Variants in SORCS1 observed in about 807,000 individuals in gnomAD.
The protein encoded by SORCS1 is sortilin related VPS10 domain containing receptor 1.
Under a neutral mutation model 146.1 loss-of-function variants are expected in SORCS1, and 60 were observed. The ratio of observed to expected loss-of-function variants is 0.41; its 90% CI spans 0.33 to 0.51. The LOEUF (loss-of-function observed/expected upper bound fraction) is 0.51. Ranked by LOEUF, SORCS1 falls within the 20% of genes least tolerant of loss-of-function variation. The probability of loss-of-function intolerance (pLI) is 0.21; values close to 1 mark genes in which losing one functional copy is unlikely to be tolerated. For synonymous variants in SORCS1, 637 were observed against 584.0 expected, an observed-to-expected ratio of 1.09 and a Z score of -1.31; for missense variants, 1,352 against 1,487.6, an observed-to-expected ratio of 0.91 and a Z score of 1.50.
At chr10:106,578,593 G>A in intron 25 of SORCS1, 1 of 931,196 alleles carries the variant, frequency 1.1e-6, no homozygotes, top group Non-Finnish European at 1.3e-6. Context: ...TTCCCTGGAG[G>A]ATCAGGCTGG....
chr10:106,695,436 A>G (rs1853624446), intron 9 of SORCS1, among the ~76,000 whole-genome samples: 1 of 152,176 alleles, frequency 6.6e-6, no homozygotes, highest in African/African-American at 2.4e-5. Flanking sequence ...ACAAGCCCAG[A>G]TGCTGATCCT....
At chr10:107,151,728 G>A (rs1049478000) in intron 1 of SORCS1, among the ~76,000 whole-genome samples, 1 of 152,110 alleles carries the variant, frequency 6.6e-6, no homozygotes. Context: ...AGAGACTGGT[G>A]GCATTTTGCC....
At chr10:106,997,368 T>A (rs951117056) in intron 1 of SORCS1, among the ~76,000 whole-genome samples, 1 of 152,206 alleles carries the variant, frequency 6.6e-6, no homozygotes, top group African/African-American at 2.4e-5. Flanking sequence ...TTTGATATGC[T>A]CCTGACACTT....
intron 6 of SORCS1, among the ~76,000 whole-genome samples, chr10:106,717,816 G>A (rs894053018): frequency 1.3e-5 from 2 of 152,188 alleles, no homozygotes; most frequent in Non-Finnish European, 1.5e-5. Context: ...CGCATTCTAG[G>A]ATGAATGGAA....
chr10:106,956,637 T>C, intron 1 of SORCS1, 57 bp from the exon 2 acceptor site: 1 of 1,480,868 alleles, frequency 6.8e-7, no homozygotes, highest in Non-Finnish European at 9.4e-7. Context: ...CTCTTAGAAC[T>C]GAAATGGCCC....
chr10:106,839,208 A>T (rs75302495), intron 2 of SORCS1, among the ~76,000 whole-genome samples: 1 of 152,338 alleles, frequency 6.6e-6, no homozygotes, highest in Middle Eastern at 3.4e-3. Flanking sequence ...AAGACAGGGC[A>T]AAAGCTGGGC....
Position 106,574,673 on chromosome 10 carries a change from C to T in SORCS1, c.*2747G>A, listed in dbSNP as rs544427640. ...GGGTATGGATCCAGAATCTGGATCT[C>T]TAACTAGCCCAAGTGATAGTGATAC... On this transcript the variant is annotated 3_prime_UTR_variant, in exon 26 of 26. Coordinates refer to ENST00000263054, the MANE Select transcript of SORCS1 (RefSeq NM_052918.5). 2.6e-5 allele frequency: 4 copies of T among 152,284 alleles called. No individual in the cohort carries two copies. The highest frequency in any genetic ancestry group is 9.6e-5 in the African/African-American group (4 of 41,542). 9.4% of individuals were successfully genotyped at this position (152,284 alleles called of 1,614,324 possible). A position where few individuals can be genotyped will look rare whatever the true frequency, so the allele number is the denominator to read the frequency against.
intron 1 of SORCS1, among the ~76,000 whole-genome samples, chr10:107,046,015 C>T (rs1252036947): frequency 1.3e-5 from 2 of 151,730 alleles, no homozygotes; most frequent in African/African-American, 2.4e-5. Flanking sequence ...GGTGCGATCT[C>T]GGCTCACTGC....
intron 1 of SORCS1, among the ~76,000 whole-genome samples, chr10:107,107,272 A>G (rs1965373265): frequency 6.6e-6 from 1 of 152,250 alleles, no homozygotes; most frequent in Non-Finnish European, 1.5e-5. Context: ...CCTCAATCTT[A>G]GAAAATACCT....
At position 106,577,487 on chromosome 10, in the gene SORCS1, CT is replaced by C. The variant is rs1486617805; in HGVS notation, c.3439del (p.Arg1147GlufsTer34). 6.7e-7 allele frequency: 1 copy of C among 1,487,176 alleles called. No individual in the cohort carries two copies. The highest frequency in any genetic ancestry group is 9.1e-7 in the Non-Finnish European group (1 of 1,100,656). The allele number at this position is 1,487,176 out of a possible 1,614,324, so 92.1% of individuals were successfully genotyped here. ...TGAAGGCGGAGTGGCGTGTCTTGCTCTTTGCAATCGGAGAGATGAGTCACCA... is the reference window on the plus strand; with the variant it reads ...TGAAGGCGGAGTGGCGTGTCTTGCTCTTGCAATCGGAGAGATGAGTCACCA... ...QPGDSSLRLQ[R>X]ARHATPPSTP... On this transcript the variant is annotated frameshift_variant, in exon 26 of 26. Coordinates refer to ENST00000263054, the MANE Select transcript of SORCS1 (RefSeq NM_052918.5). LOFTEE classifies it high-confidence loss of function.
At chr10:106,793,135 C>T (rs1051860625) in intron 3 of SORCS1, among the ~76,000 whole-genome samples, 6 of 152,158 alleles carry the variant, frequency 3.9e-5, no homozygotes, top group African/African-American at 1.4e-4. Context: ...CATTGCAGAG[C>T]TATTGAAATG....
chr10:106,912,522 C>G (rs935395248), intron 2 of SORCS1, among the ~76,000 whole-genome samples: 3 of 152,142 alleles, frequency 2.0e-5, no homozygotes, highest in African/African-American at 7.2e-5. Context: ...ACAAAATTTT[C>G]GGACCACCAC....
chr10:106,793,148 C>T lies in SORCS1; in HGVS notation c.727-16456G>A, dbSNP rs181847300. Among the ~76,000 whole-genome samples the T allele has an allele frequency of 3.9e-5, 6 of 152,180 alleles. No individual in the cohort carries two copies. The East Asian group carries it at 1.2e-3, about 29-fold the overall frequency. The stretch of plus-strand genomic sequence containing the variant: ...ACCATTGCAGAGCTATTGAAATGTA[C>T]AAAATTTTACTAGAACACGGAAAAG... On this transcript the variant is annotated intron_variant, in intron 3 of 25. Coordinates refer to ENST00000263054, the MANE Select transcript of SORCS1 (RefSeq NM_052918.5).
At chr10:106,919,587 T>C (rs1403035054) in intron 2 of SORCS1, among the ~76,000 whole-genome samples, 1 of 152,156 alleles carries the variant, frequency 6.6e-6, no homozygotes, top group Non-Finnish European at 1.5e-5. Flanking sequence ...CCATAGAGCA[T>C]GAAGTGAAAA....
At chr10:106,801,155 G>T (rs1465094749) in intron 3 of SORCS1, among the ~76,000 whole-genome samples, 1 of 152,004 alleles carries the variant, frequency 6.6e-6, no homozygotes, top group African/African-American at 2.4e-5. Context: ...TTAGAAATTA[G>T]CTCATTAAAT....
At chr10:106,902,062 T>A (rs994675381) in intron 2 of SORCS1, among the ~76,000 whole-genome samples, 2 of 151,946 alleles carry the variant, frequency 1.3e-5, no homozygotes, top group African/African-American at 4.8e-5. Context: ...AAAAATTAGA[T>A]TTTACTATTC....
intron 21 of SORCS1, among the ~76,000 whole-genome samples, chr10:106,615,088 A>G: frequency 6.6e-6 from 1 of 152,146 alleles, no homozygotes; most frequent in Non-Finnish European, 1.5e-5. Context: ...TAAATTTCAA[A>G]CAAGTTTCTG....
At chr10:107,119,872 G>T (rs969686024) in intron 1 of SORCS1, among the ~76,000 whole-genome samples, 3 of 152,096 alleles carry the variant, frequency 2.0e-5, no homozygotes, top group African/African-American at 7.2e-5. Flanking sequence ...AAATGGAGTG[G>T]TAGAAAATGA....
chr10:106,731,292 CAAAAAAAAAA>C (rs57238882), intron 5 of SORCS1, among the ~76,000 whole-genome samples: 1 of 23,762 alleles, frequency 4.2e-5, no homozygotes, highest in Admixed American at 3.7e-4. Context: ...GACTCCGTCT[CAAAAAAAAAA>C]AAAAAAAAAA....
Sources: gnomAD v4.1 joint callset for allele counts (sites outside exome capture counted in the v4.1 genomes callset) on GRCh38, gnomAD v4.1.1 for gene constraint, MANE v1.5 for transcripts, NCBI Gene and HGNC (gene_info 2026-07-23, HGNC 2026-07-21) for gene names.